Variants in MN1 observed in about 807,000 individuals in gnomAD.
MN1 encodes MN1 proto-oncogene, transcriptional regulator.
In MN1, 19 loss-of-function variants were observed where a neutral mutation model predicts 86.9. The ratio of observed to expected loss-of-function variants is 0.22; its 90% confidence interval spans 0.15 to 0.32. MN1 has a LOEUF of 0.32. Ranked by LOEUF, MN1 falls within the 10% of genes least tolerant of loss-of-function variation. The probability of loss-of-function intolerance (pLI) is 1.00; values close to 1 mark genes in which losing one functional copy is unlikely to be tolerated. For missense variants in MN1, 1,841 were observed against 1,862.0 expected, an observed-to-expected ratio of 0.99 and a Z score of 0.21; for synonymous variants, 928 against 849.6, an observed-to-expected ratio of 1.09 and a Z score of -1.60.
intron 1 of MN1, among the ~76,000 whole-genome samples, chr22:27,771,951 A>T (rs1932920647): frequency 1.2e-4 from 19 of 152,164 alleles, no homozygotes; most frequent in Admixed American, 1.2e-3. Context: ...GCCGTATATC[A>T]ATTATTGGAA....
At chr22:27,788,664 T>C in intron 1 of MN1, among the ~76,000 whole-genome samples, 1 of 151,854 alleles carries the variant, frequency 6.6e-6, no homozygotes. Context: ...AATGACTGGA[T>C]GAGCAAGAAG....
At chr22:27,751,324 C>CA (rs1434825778) in intron 1 of MN1, among the ~76,000 whole-genome samples, 2 of 152,156 alleles carry the variant, frequency 1.3e-5, no homozygotes, top group Non-Finnish European at 2.9e-5. Context: ...TGTTGGGCCT[C>CA]AGTTTCCCCA....
intron 1 of MN1, among the ~76,000 whole-genome samples, chr22:27,755,260 G>T (rs889983396): frequency 1.3e-5 from 2 of 152,146 alleles, no homozygotes; most frequent in Non-Finnish European, 2.9e-5. Context: ...TGCTGAGCCC[G>T]GCTAAGAGCA....
rs770633245 is a variant in MN1, at chr22:27,798,054, G to A, written c.2490C>T (p.Thr830=). Residue 830 remains threonine (T), a synonymous_variant, in exon 1 of 2, where the codon ACC becomes ACT. Transcript: ENST00000302326. ...GGCTGGCGATCATGTTCTGGCAAGC[G>A]GTGGAGAGCGCAGCCAGGCAGCTCT... ...FGQSCLAALS[T]ACQNMIASLG... 1.2e-5 allele frequency: 20 copies of A among 1,611,006 alleles called. No homozygotes were observed. In the African/African-American group the frequency reaches 2.7e-4, roughly 21 times the overall value.
At chr22:27,778,551 G>A (rs1267893945) in intron 1 of MN1, among the ~76,000 whole-genome samples, 1 of 152,230 alleles carries the variant, frequency 6.6e-6, no homozygotes, top group Admixed American at 6.5e-5. Context: ...CGTCTGCAAT[G>A]TGCCAGACGC....
Position 27,797,372 on chromosome 22 carries a change from C to A in MN1, c.3172G>T (p.Glu1058Ter). ...EVSTSYANED[E>*]VSSSSDNPQA... ...GGGTTGTCAGAGCTGGACGACACCT[C>A]GTCCTCATTGGCGTAGCTCGTGCTC... The change falls in exon 1 of 2, where the codon GAG (glutamate) becomes TAG (stop). Residue 1058 changes from glutamate (E) to a stop codon, truncating the protein, a stop_gained. Transcript: ENST00000302326. LOFTEE classifies it high-confidence loss of function. The A allele has an allele frequency of 6.2e-7, 1 of 1,610,804 alleles. No homozygotes were observed.
chr22:27,798,758 C>G lies in MN1; in HGVS notation c.1786G>C (p.Gly596Arg). The change falls in exon 1 of 2, where the codon GGC becomes CGC. Residue 596 changes from glycine (G) to arginine (R), a missense_variant. By Grantham distance (125) the Gly-to-Arg change is moderately radical. Coordinates refer to ENST00000302326, the MANE Select transcript of MN1 (RefSeq NM_002430.3). ...TCAAAGTTCGGCTGGGCCAAGCCGCCCACCGGGCCGCCATGCACCAGGCCG... is the reference window on the plus strand; with the variant it reads ...TCAAAGTTCGGCTGGGCCAAGCCGCGCACCGGGCCGCCATGCACCAGGCCG... Reference protein sequence around the residue: ...QGGLVHGGPVGGLAQPNFERE... With the variant: ...QGGLVHGGPVRGLAQPNFERE... The G allele has an allele frequency of 6.5e-7, 1 of 1,534,384 alleles. No homozygotes were observed. The highest frequency in any genetic ancestry group is 8.7e-7 in the Non-Finnish European group (1 of 1,145,710).
chr22:27,800,665 G>T lies in MN1; in HGVS notation c.-122C>A, dbSNP rs550735353. The T allele has an allele frequency of 2.7e-4, 392 of 1,426,000 alleles. 5 individuals are homozygous for T. In the African/African-American group the frequency reaches 4.9e-3, roughly 18 times the overall value. 88.3% of individuals were successfully genotyped at this position (1,426,000 alleles called of 1,614,324 possible). ...CTCCGGGACGCTCAGCACCGCGGGG[G>T]CTCAGCGCGCACCTCCACCCCGCCT... On this transcript the variant is annotated 5_prime_UTR_variant, in exon 1 of 2. Coordinates refer to ENST00000302326, the MANE Select transcript of MN1 (RefSeq NM_002430.3).
intron 1 of MN1, among the ~76,000 whole-genome samples, chr22:27,786,842 G>GCACACACACACACACACA (rs59816177): frequency 1.4e-5 from 2 of 140,612 alleles, no homozygotes; most frequent in Non-Finnish European, 3.2e-5. Context: ...ATGCCCGTGC[G>GCACACACACACACACACA]CACACACACA....
chr22:27,767,354 C>T lies in MN1; in HGVS notation c.3782-16258G>A, dbSNP rs927362141. On this transcript the variant is annotated intron_variant, in intron 1 of 1. Coordinates refer to ENST00000302326, the MANE Select transcript of MN1 (RefSeq NM_002430.3). Reference sequence around the variant, plus strand: ...GGCTTGCCAAATTTACTGAGAGGGGCGACGCCCTCTCACAAACCATGTAGA... The same window carrying T: ...GGCTTGCCAAATTTACTGAGAGGGGTGACGCCCTCTCACAAACCATGTAGA... Among the ~76,000 whole-genome samples the T allele has an allele frequency of 7.2e-4, 109 of 152,212 alleles. 1 individual carries two copies. Among genetic ancestry groups the T allele is most frequent in the Middle Eastern group, 3.4e-3 (1 of 294 alleles).
At chr22:27,761,381 C>G (rs1932833747) in intron 1 of MN1, among the ~76,000 whole-genome samples, 1 of 150,364 alleles carries the variant, frequency 6.7e-6, no homozygotes, top group African/African-American at 2.5e-5. Context: ...TCTAGTTCTT[C>G]TTATTTCTCT....
chr22:27,766,683 A>AGAACCAG (rs1932872207), intron 1 of MN1, among the ~76,000 whole-genome samples: 1 of 152,198 alleles, frequency 6.6e-6, no homozygotes, highest in Non-Finnish European at 1.5e-5. Flanking sequence ...TAAGGATGGC[A>AGAACCAG]GAACCAGACC....
At chr22:27,787,861 G>A (rs1176853538) in intron 1 of MN1, among the ~76,000 whole-genome samples, 1 of 152,106 alleles carries the variant, frequency 6.6e-6, no homozygotes, top group African/African-American at 2.4e-5. Flanking sequence ...GCCTGCCTCG[G>A]CCACTAACTC....
In MN1 at chr22:27,800,035, G is replaced by A. The variant is rs546917584; in HGVS notation, c.509C>T (p.Pro170Leu). The A allele has an allele frequency of 3.1e-6, 5 of 1,602,920 alleles. No individual in the cohort carries two copies. Among genetic ancestry groups the A allele is most frequent in the African/African-American group, 2.7e-5 (2 of 75,022 alleles). ...QGPESFGPQR[P>L]GNLPDFHSSG... ...ACTGTGGAAGTCCGGGAGGTTCCCC[G>A]GTCGCTGCGGGCCGAAGCTCTCAGG... The change falls in exon 1 of 2, where the codon CCG (proline) becomes CTG (leucine). Residue 170 changes from proline to leucine, a missense_variant. Pro to Leu is a moderately conservative substitution (Grantham distance 98, BLOSUM62 -3). Coordinates refer to ENST00000302326, the MANE Select transcript of MN1 (RefSeq NM_002430.3).
At chr22:27,763,198 C>T (rs970769577) in intron 1 of MN1, among the ~76,000 whole-genome samples, 13 of 152,318 alleles carry the variant, frequency 8.5e-5, no homozygotes, top group South Asian at 6.2e-4. Flanking sequence ...AGGTTCAGTG[C>T]AAGTCTGGAT....
At chr22:27,784,114 C>T (rs1933089939) in intron 1 of MN1, among the ~76,000 whole-genome samples, 1 of 152,182 alleles carries the variant, frequency 6.6e-6, no homozygotes. Context: ...AGCCCCTTTC[C>T]CAGAAGTCGT....
chr22:27,755,403 C>G (rs759034952), intron 1 of MN1, among the ~76,000 whole-genome samples: 1 of 152,130 alleles, frequency 6.6e-6, no homozygotes, highest in African/African-American at 2.4e-5. Flanking sequence ...CACAGGGGGC[C>G]GAGGGCAGGG....
intron 1 of MN1, among the ~76,000 whole-genome samples, chr22:27,756,303 G>T (rs1164879170): frequency 6.6e-6 from 1 of 152,162 alleles, no homozygotes; most frequent in Non-Finnish European, 1.5e-5. Context: ...AACAGGCCTC[G>T]TCATCACCCT....
At chr22:27,764,862 G>C (rs549611151) in intron 1 of MN1, among the ~76,000 whole-genome samples, 2 of 152,302 alleles carry the variant, frequency 1.3e-5, no homozygotes, top group South Asian at 4.1e-4. Flanking sequence ...GACGCTGCTA[G>C]GGTCAGCCCA....
Sources: allele counts gnomAD v4.1 joint callset (sites outside exome capture counted in the v4.1 genomes callset), GRCh38; gene constraint gnomAD v4.1.1; transcripts MANE v1.5; gene names NCBI Gene and HGNC (gene_info 2026-07-23, HGNC 2026-07-21).